The following CAMK1D variants were observed in gnomAD, a reference collection of about 807,000 sequenced individuals.
The protein encoded by CAMK1D is calcium/calmodulin dependent protein kinase ID, also known as calcium/calmodulin-dependent protein kinase type 1D.
A neutral mutation model predicts 47.7 loss-of-function variants in CAMK1D; 9 were observed. The observed-to-expected ratio is 0.19, with a 90% CI of 0.11 to 0.33. The LOEUF is 0.33. Ranked by LOEUF, CAMK1D falls within the 10% of genes least tolerant of loss-of-function variation. The probability of loss-of-function intolerance (pLI) is 1.00; values close to 1 mark genes in which losing one functional copy is unlikely to be tolerated. For missense variants in CAMK1D, 291 were observed against 488.7 expected (o/e 0.60, Z 3.81); for synonymous variants, 184 against 184.9 (o/e 0.99, Z 0.04).
At chr10:12,532,412 T>C (rs1049838134) in intron 1 of CAMK1D, among the ~76,000 whole-genome samples, 11 of 151,356 alleles carry the variant, frequency 7.3e-5, no homozygotes, top group African/African-American at 2.7e-4. Context: ...CCCAAGTAGC[T>C]GGGACTACAG....
intron 2 of CAMK1D, among the ~76,000 whole-genome samples, chr10:12,647,547 A>G (rs1024702286): frequency 6.6e-6 from 1 of 152,158 alleles, no homozygotes; most frequent in African/African-American, 2.4e-5. Flanking sequence ...AAATATATAT[A>G]TACATATTTC....
intron 1 of CAMK1D, among the ~76,000 whole-genome samples, chr10:12,502,357 G>A (rs1208736683): frequency 6.6e-6 from 1 of 152,174 alleles, no homozygotes; most frequent in Admixed American, 6.5e-5. Flanking sequence ...AGGGAGCATT[G>A]CCAATCCTGG....
At chr10:12,774,205 T>C (rs1299339790) in intron 5 of CAMK1D, among the ~76,000 whole-genome samples, 1 of 152,110 alleles carries the variant, frequency 6.6e-6, no homozygotes, top group East Asian at 1.9e-4. Context: ...GTGTGTTAGG[T>C]GGCCTTAAGT....
intron 6 of CAMK1D, among the ~76,000 whole-genome samples, chr10:12,804,954 A>AT (rs1838655377): frequency 6.6e-6 from 1 of 150,568 alleles, no homozygotes; most frequent in Non-Finnish European, 1.5e-5. Context: ...AAAAAAAAAA[A>AT]AAAAAAGATA....
At chr10:12,626,643 T>G (rs929756390) in intron 2 of CAMK1D, among the ~76,000 whole-genome samples, 36 of 152,124 alleles carry the variant, frequency 2.4e-4, no homozygotes, top group African/African-American at 8.5e-4. Flanking sequence ...CTGGCTAATT[T>G]TTTGTATTTT....
chr10:12,753,654 C>T (rs541371225), intron 3 of CAMK1D, among the ~76,000 whole-genome samples: 1 of 152,194 alleles, frequency 6.6e-6, no homozygotes, highest in Non-Finnish European at 1.5e-5. Context: ...TCGTTCCTGT[C>T]CTTCAGAGGG....
intron 3 of CAMK1D, among the ~76,000 whole-genome samples, chr10:12,727,003 G>A (rs116357653): frequency 6.6e-6 from 1 of 152,338 alleles, no homozygotes; most frequent in African/African-American, 2.4e-5. Context: ...CGCCATGCCC[G>A]TGGCCCCACA....
chr10:12,398,638 C>T (rs367545623), intron 1 of CAMK1D, among the ~76,000 whole-genome samples: 9 of 152,128 alleles, frequency 5.9e-5, no homozygotes, highest in South Asian at 2.1e-4. Flanking sequence ...CATGAGCCAC[C>T]GTGCCCAGCC....
chr10:12,462,434 G>A (rs557228804), intron 1 of CAMK1D, among the ~76,000 whole-genome samples: 4 of 151,458 alleles, frequency 2.6e-5, no homozygotes, highest in Non-Finnish European at 4.4e-5. Context: ...AAAGTGCTGG[G>A]ATTATAGGCA....
In CAMK1D at chr10:12,391,392, G is replaced by A. The variant is rs185187819; in HGVS notation, c.92+41482G>A. ...ATACATCAAGCAATCAATCTTAGAA[G>A]CTTATCTTCTATTCAGGGTTTCCAC... is the stretch of plus-strand genomic sequence containing the variant. On this transcript the variant is annotated intron_variant, in intron 1 of 10. Transcript: ENST00000619168. Among the ~76,000 whole-genome samples the A allele has an allele frequency of 5.9e-5, 9 of 152,290 alleles. No individual in the cohort carries two copies. In the East Asian group the frequency reaches 1.7e-3, roughly 29 times the overall value.
intron 2 of CAMK1D, among the ~76,000 whole-genome samples, chr10:12,655,858 A>C (rs975934482): frequency 6.6e-6 from 1 of 152,246 alleles, no homozygotes; most frequent in Non-Finnish European, 1.5e-5. Flanking sequence ...TGTCCAGCTG[A>C]CAAACTTGTC....
At chr10:12,565,845 C>T (rs1837107256) in intron 2 of CAMK1D, among the ~76,000 whole-genome samples, 1 of 152,024 alleles carries the variant, frequency 6.6e-6, no homozygotes, top group Admixed American at 6.5e-5. Context: ...TCTGCTGTCC[C>T]TGTGTTCTCT....
intron 1 of CAMK1D, among the ~76,000 whole-genome samples, chr10:12,457,986 A>G (rs978303801): frequency 1.3e-5 from 2 of 152,142 alleles, no homozygotes; most frequent in Non-Finnish European, 2.9e-5. Context: ...TGACCTTTGA[A>G]TCATGTAGAA....
chr10:12,745,195 C>T (rs11817478), intron 3 of CAMK1D, among the ~76,000 whole-genome samples: 39,907 of 151,688 alleles, frequency 0.26, 5,983 homozygotes, highest in African/African-American at 0.42. Flanking sequence ...CACGCCCAGC[C>T]AATTTTTTGT....
rs2130663630 is a variant in CAMK1D at position 12,691,362 on chromosome 10, TA to T, written c.299+24553del. Among the ~76,000 whole-genome samples, 4 of 6,650 alleles carry T rather than the reference TA, an allele frequency of 6.0e-4. No homozygotes were observed. In the South Asian group the frequency reaches 0.018, roughly 29 times the overall value. The allele number at this position is 6,650 out of a possible 152,430, so 4.4% of individuals were successfully genotyped here. A position where few individuals can be genotyped will look rare whatever the true frequency, so the allele number is the denominator to read the frequency against. On this transcript the variant is annotated intron_variant, in intron 3 of 10. Coordinates refer to ENST00000619168, the MANE Select transcript of CAMK1D (RefSeq NM_153498.4). ...GGCTGAAGTTTTCTATATATATATATATATATATATATATAAATATATATAT... is the reference window on the plus strand; with the variant it reads ...GGCTGAAGTTTTCTATATATATATATTATATATATATATAAATATATATAT...
At chr10:12,511,957 T>C (rs1457223745) in intron 1 of CAMK1D, among the ~76,000 whole-genome samples, 1 of 152,234 alleles carries the variant, frequency 6.6e-6, no homozygotes, top group Non-Finnish European at 1.5e-5. Context: ...TCACCCACAG[T>C]GTGTTTGGAC....
chr10:12,700,846 T>A (rs1833490545), intron 3 of CAMK1D, among the ~76,000 whole-genome samples: 1 of 152,202 alleles, frequency 6.6e-6, no homozygotes, highest in Non-Finnish European at 1.5e-5. Context: ...TTCAAAGAAA[T>A]TTTAGCCAGC....
At chr10:12,393,277 C>T (rs146623622) in intron 1 of CAMK1D, among the ~76,000 whole-genome samples, 192 of 152,212 alleles carry the variant, frequency 1.3e-3, no homozygotes, top group African/African-American at 4.3e-3. Context: ...GTGATCCGCA[C>T]GCCTCGGCCT....
chr10:12,588,681 A>G (rs1837893834), intron 2 of CAMK1D, among the ~76,000 whole-genome samples: 1 of 152,090 alleles, frequency 6.6e-6, no homozygotes, highest in South Asian at 2.1e-4. Flanking sequence ...TGTACCCGAC[A>G]TCCAAGAAAA....
Sources: gnomAD v4.1 joint callset for allele counts (sites outside exome capture counted in the v4.1 genomes callset) on GRCh38, gnomAD v4.1.1 for gene constraint, MANE v1.5 for transcripts, NCBI Gene and HGNC (gene_info 2026-07-23, HGNC 2026-07-21) for gene names.